CDH4: variants seen among roughly 807,000 people sequenced by gnomAD.
CDH4 encodes cadherin-4.
Under a neutral mutation model 86.0 loss-of-function variants are expected in CDH4, and 33 were observed. The observed-to-expected ratio is 0.38, with a 90% CI of 0.29 to 0.51. The LOEUF is 0.51. CDH4 is among the 20% of genes least tolerant of loss of function. CDH4 has a pLI of 0.86. For missense variants in CDH4, 1,114 were observed against 1,307.4 expected (o/e 0.85, Z 2.28); for synonymous variants, 555 against 549.4 (o/e 1.01, Z -0.14).
chr20:61,914,041 G>C (rs2054879062), intron 9 of CDH4, among the ~76,000 whole-genome samples: 1 of 152,188 alleles, frequency 6.6e-6, no homozygotes, highest in Non-Finnish European at 1.5e-5. Flanking sequence ...ATGTTGATGA[G>C]TGCTGCCTGC....
chr20:61,520,668 G>T (rs79213735), intron 2 of CDH4, among the ~76,000 whole-genome samples: 1 of 152,156 alleles, frequency 6.6e-6, no homozygotes, highest in Non-Finnish European at 1.5e-5. Flanking sequence ...CAGTGACGGT[G>T]ATGCGGGTCT....
intron 2 of CDH4, among the ~76,000 whole-genome samples, chr20:61,451,617 A>G (rs2145546833): frequency 6.6e-6 from 1 of 151,948 alleles, no homozygotes; most frequent in South Asian, 2.1e-4. Flanking sequence ...CTGAGAGTCT[A>G]TGTGGACATA....
intron 2 of CDH4, among the ~76,000 whole-genome samples, chr20:61,272,688 C>A (rs1016721252): frequency 6.6e-6 from 1 of 151,854 alleles, no homozygotes; most frequent in African/African-American, 2.4e-5. Context: ...TGGGGAAGTA[C>A]CCTGGGCAGT....
rs1179370418 is a variant in CDH4 at position 61,703,170 on chromosome 20, G to T, written c.170-40393G>T. ...GACCAAGCTGTGATCAGAAGTGGGG[G>T]CTCTTGGACGAGCTCAGAACACACA... is the stretch of plus-strand genomic sequence containing the variant. On this transcript the variant is annotated intron_variant, in intron 2 of 15. Transcript: ENST00000614565. The surrounding 1 kb of genome is among the most constrained non-coding windows in gnomAD (Gnocchi z 4.3). Among the ~76,000 whole-genome samples the T allele has an allele frequency of 6.6e-6, 1 of 152,192 alleles. No individual in the cohort carries two copies. The highest frequency in any genetic ancestry group is 2.4e-5 in the African/African-American group (1 of 41,434).
rs1012967084 is a variant in CDH4 at position 61,810,419 on chromosome 20, TGGGTTCTCAGACCCAAGTTCTGACCC to T, written c.577-34222_577-34197del. Among the ~76,000 whole-genome samples, 7 of 152,330 alleles carry T rather than the reference TGGGTTCTCAGACCCAAGTTCTGACCC, an allele frequency of 4.6e-5. No individual in the cohort carries two copies. The highest frequency in any genetic ancestry group is 2.1e-4 in the South Asian group (1 of 4,822). On this transcript the variant is annotated intron_variant, in intron 4 of 15. Coordinates refer to ENST00000614565, the MANE Select transcript of CDH4 (RefSeq NM_001794.5). This position sits in a 1 kb window ranked among gnomAD's most constrained non-coding sequence, Gnocchi z 4.3. ...ACTGCCCTCGGCCAAGTTTCTGACC[TGGGTTCTCAGACCCAAGTTCTGACCC>T]GGGTTCTCAGACCCAAGTTCTGACC...
At chr20:61,569,048 G>A (rs1054777670) in intron 2 of CDH4, among the ~76,000 whole-genome samples, 2 of 152,300 alleles carry the variant, frequency 1.3e-5, no homozygotes, top group African/African-American at 4.8e-5. Context: ...GGTCATGGGG[G>A]CAGCAAGCCA....
chr20:61,301,742 C>G (rs926073961), intron 2 of CDH4, among the ~76,000 whole-genome samples: 9 of 152,154 alleles, frequency 5.9e-5, no homozygotes, highest in African/African-American at 2.2e-4. Flanking sequence ...GCCTGATGGT[C>G]CCTGAGAATC....
chr20:61,784,869 C>T (rs1284376996), intron 4 of CDH4, among the ~76,000 whole-genome samples: 2 of 152,168 alleles, frequency 1.3e-5, no homozygotes, highest in Non-Finnish European at 2.9e-5. Flanking sequence ...CGCGAGTTTC[C>T]CACGTCCCAT....
At chr20:61,712,991 G>A (rs73611557) in intron 2 of CDH4, among the ~76,000 whole-genome samples, 12,671 of 152,220 alleles carry the variant, frequency 0.083, 726 homozygotes, top group East Asian at 0.23. Context: ...CCTGAGACTC[G>A]TGACTTGGCA....
At chr20:61,627,189 G>A (rs547018279) in intron 2 of CDH4, among the ~76,000 whole-genome samples, 2 of 152,316 alleles carry the variant, frequency 1.3e-5, no homozygotes, top group African/African-American at 4.8e-5. Context: ...CGTTCCAGGG[G>A]TGTGTCCTCT....
At chr20:61,886,484 G>A (rs1984543576) in intron 7 of CDH4, among the ~76,000 whole-genome samples, 1 of 152,196 alleles carries the variant, frequency 6.6e-6, no homozygotes, top group Non-Finnish European at 1.5e-5. Flanking sequence ...TCTGCACCTG[G>A]CAGAAGCAGG....
chr20:61,328,372 T>A (rs985692446), intron 2 of CDH4, among the ~76,000 whole-genome samples: 1 of 152,178 alleles, frequency 6.6e-6, no homozygotes, highest in Non-Finnish European at 1.5e-5. Flanking sequence ...AGATGGGGTT[T>A]CACTGTGTTA....
At chr20:61,597,932 T>C (rs1320784914) in intron 2 of CDH4, among the ~76,000 whole-genome samples, 1 of 152,226 alleles carries the variant, frequency 6.6e-6, no homozygotes, top group Non-Finnish European at 1.5e-5. Context: ...AACTCTTTCC[T>C]TTTTCCTATT....
chr20:61,890,767 A>G lies in CDH4; in HGVS notation c.1051-4143A>G, dbSNP rs528750264. On this transcript the variant is annotated intron_variant, in intron 7 of 15. Transcript: ENST00000614565. Reference sequence around the variant, plus strand: ...TTGTATCTCCTTGACTCCAAGTTCTATTCATCTTGGTAAATGTCAGCTCTG... The same window carrying G: ...TTGTATCTCCTTGACTCCAAGTTCTGTTCATCTTGGTAAATGTCAGCTCTG... 2.6e-5 allele frequency among the ~76,000 whole-genome samples: 4 copies of G among 152,208 alleles called. No individual in the cohort carries two copies. In the East Asian group the frequency reaches 7.7e-4, roughly 29 times the overall value.
chr20:61,789,873 A>G (rs1979079160), intron 4 of CDH4, among the ~76,000 whole-genome samples: 1 of 152,192 alleles, frequency 6.6e-6, no homozygotes, highest in Non-Finnish European at 1.5e-5. Context: ...TAGCTAGGTG[A>G]AGACTTAGGT....
intron 2 of CDH4, among the ~76,000 whole-genome samples, chr20:61,556,883 A>G (rs1181272965): frequency 6.6e-6 from 1 of 152,118 alleles, no homozygotes; most frequent in African/African-American, 2.4e-5. Context: ...CACCGAGAAC[A>G]CGTGAGGCGC....
intron 2 of CDH4, among the ~76,000 whole-genome samples, chr20:61,686,439 G>C (rs1167979705): frequency 6.6e-6 from 1 of 150,490 alleles, no homozygotes; most frequent in Non-Finnish European, 1.5e-5. Flanking sequence ...GTATGTGCGT[G>C]TGCGTGTGCA....
At chr20:61,825,444 G>C (rs530740870) in intron 4 of CDH4, among the ~76,000 whole-genome samples, 1 of 152,176 alleles carries the variant, frequency 6.6e-6, no homozygotes, top group South Asian at 2.1e-4. Context: ...TAGACTGATA[G>C]ACCTAGTCTC....
At chr20:61,762,456 C>A (rs2088646063) in intron 3 of CDH4, among the ~76,000 whole-genome samples, 1 of 152,200 alleles carries the variant, frequency 6.6e-6, no homozygotes, top group African/African-American at 2.4e-5. Context: ...TTTATCTTCA[C>A]AGAAAAGGAG....
Sources: gnomAD v4.1 joint callset for allele counts (sites outside exome capture counted in the v4.1 genomes callset) on GRCh38, gnomAD v4.1.1 for gene constraint, Gnocchi (gnomAD v3.1) non-coding constraint, MANE v1.5 for transcripts, NCBI Gene and HGNC (gene_info 2026-07-23, HGNC 2026-07-21) for gene names.